AGO2: variants seen among roughly 807,000 people sequenced by gnomAD.
AGO2 encodes protein argonaute-2.
In AGO2, 5 loss-of-function variants were observed where a neutral mutation model predicts 102.3. The observed-to-expected ratio is 0.05, with a 90% CI of 0.03 to 0.10. The LOEUF is 0.10. AGO2 is among the 10% of genes least tolerant of loss of function. AGO2 has a pLI of 1.00. For synonymous variants in AGO2, 449 were observed against 473.1 expected (o/e 0.95, Z 0.66); for missense variants, 541 against 1,183.7 (o/e 0.46, Z 7.97).
intron 7 of AGO2, among the ~76,000 whole-genome samples, chr8:140,558,117 G>A (rs1203871065): frequency 6.6e-6 from 1 of 152,218 alleles, no homozygotes; most frequent in Non-Finnish European, 1.5e-5. Context: ...TTGCCGTAAT[G>A]ATGGGACACG....
chr8:140,561,926 C>A (rs1488816114), intron 4 of AGO2, among the ~76,000 whole-genome samples: 1 of 152,240 alleles, frequency 6.6e-6, no homozygotes, highest in African/African-American at 2.4e-5. Context: ...GAAATTAGTG[C>A]AACCCTCTGC....
intron 1 of AGO2, among the ~76,000 whole-genome samples, chr8:140,586,731 C>T (rs1222291913): frequency 1.3e-5 from 2 of 152,200 alleles, no homozygotes; most frequent in Admixed American, 6.5e-5. Flanking sequence ...CTCTCTACGC[C>T]ACACCGGAGT....
In AGO2 at chr8:140,563,827, T is replaced by A. The variant is rs1588461225; in HGVS notation, c.337-1193A>T. Among the ~76,000 whole-genome samples the A allele has an allele frequency of 2.0e-5, 3 of 152,192 alleles. No homozygotes were observed. In the South Asian group the frequency reaches 6.2e-4, roughly 31 times the overall value. The stretch of plus-strand genomic sequence containing the variant: ...GGTGGCACCAGGCACATTTGCTCGC[T>A]CGCCCACTGCCCGCCATGCCCATGC... On this transcript the variant is annotated intron_variant, in intron 3 of 18. Coordinates refer to ENST00000220592, the MANE Select transcript of AGO2 (RefSeq NM_012154.5).
intron 1 of AGO2, among the ~76,000 whole-genome samples, chr8:140,598,693 G>A (rs189813630): frequency 6.6e-6 from 1 of 152,180 alleles, no homozygotes. Flanking sequence ...ACTCTGGCCT[G>A]CTGCTTCCTC....
intron 1 of AGO2, among the ~76,000 whole-genome samples, chr8:140,595,174 C>T (rs556088894): frequency 1.7e-4 from 26 of 152,228 alleles, no homozygotes; most frequent in Non-Finnish European, 3.4e-4. Flanking sequence ...AAAGGTCCAT[C>T]AGGAGAAAAT....
At chr8:140,581,427 G>T (rs770990262) in intron 2 of AGO2, among the ~76,000 whole-genome samples, 2 of 152,196 alleles carry the variant, frequency 1.3e-5, no homozygotes, top group Non-Finnish European at 2.9e-5. Context: ...GCTGAGGCAC[G>T]AGAATCGCTT....
chr8:140,563,113 G>A (rs768651408), intron 3 of AGO2, among the ~76,000 whole-genome samples: 6 of 152,198 alleles, frequency 3.9e-5, no homozygotes, highest in Non-Finnish European at 7.3e-5. Flanking sequence ...CAGGTGACGC[G>A]TGAAGCAACT....
intron 1 of AGO2, among the ~76,000 whole-genome samples, chr8:140,633,244 T>A (rs1238637587): frequency 6.6e-6 from 1 of 152,214 alleles, no homozygotes; most frequent in African/African-American, 2.4e-5. Flanking sequence ...AAAAAGAGTC[T>A]CAATGAAGAC....
intron 1 of AGO2, among the ~76,000 whole-genome samples, chr8:140,619,904 A>G (rs1349432131): frequency 1.3e-5 from 2 of 152,210 alleles, no homozygotes; most frequent in Non-Finnish European, 2.9e-5. Flanking sequence ...GGGGATAAGC[A>G]CATGTAGATG....
At chr8:140,606,935 A>T (rs1477129416) in intron 1 of AGO2, among the ~76,000 whole-genome samples, 2 of 151,070 alleles carry the variant, frequency 1.3e-5, no homozygotes, top group South Asian at 2.1e-4. Flanking sequence ...AGACTGCCTC[A>T]AAATAATAAT....
chr8:140,549,963 C>T (rs1216808563), intron 11 of AGO2, among the ~76,000 whole-genome samples: 1 of 152,204 alleles, frequency 6.6e-6, no homozygotes, highest in Non-Finnish European at 1.5e-5. Flanking sequence ...GGCACTCCAA[C>T]CCAGCCAGTG....
rs1031222472 is a variant in AGO2 at position 140,539,707 on chromosome 8, G to A, written c.2035-253C>T. Among the ~76,000 whole-genome samples the A allele has an allele frequency of 6.6e-6, 1 of 152,236 alleles. No homozygotes were observed. The highest frequency in any genetic ancestry group is 1.5e-5 in the Non-Finnish European group (1 of 68,042). On this transcript the variant is annotated intron_variant, in intron 15 of 18. Coordinates refer to ENST00000220592, the MANE Select transcript of AGO2 (RefSeq NM_012154.5). The surrounding 1 kb of genome is among the most constrained non-coding windows in gnomAD (Gnocchi z 4.7). ...CTGGAGGGCCCAGGAGGTTGTGTGT[G>A]TGCAAGGGGCGCAGCCAACGCCAGG... is the stretch of plus-strand genomic sequence containing the variant.
Position 140,532,406 on chromosome 8 carries a change from T to G in AGO2, c.2471+10A>C. Reference sequence around the variant, plus strand: ...CCCTGCTGTGACCTCCAGCCAGGCATGCCACTCACCTGTCATGTTCCTTAT... The same window carrying G: ...CCCTGCTGTGACCTCCAGCCAGGCAGGCCACTCACCTGTCATGTTCCTTAT... On this transcript the variant is annotated intron_variant, in intron 18 of 18. Coordinates refer to ENST00000220592, the MANE Select transcript of AGO2 (RefSeq NM_012154.5). 6.2e-7 allele frequency: 1 copy of G among 1,608,258 alleles called. No homozygotes were observed. Among genetic ancestry groups the G allele is most frequent in the Non-Finnish European group, 8.5e-7 (1 of 1,176,776 alleles).
At chr8:140,565,618 G>A (rs1386925384) in intron 3 of AGO2, among the ~76,000 whole-genome samples, 1 of 151,072 alleles carries the variant, frequency 6.6e-6, no homozygotes, top group East Asian at 1.9e-4. Context: ...TCCAGCCCTG[G>A]GGATCAGAGT....
intron 10 of AGO2, among the ~76,000 whole-genome samples, chr8:140,553,578 T>A (rs1319139418): frequency 6.6e-6 from 1 of 150,844 alleles, no homozygotes; most frequent in African/African-American, 2.4e-5. Context: ...CCCAGCTAAT[T>A]TTGTATTTTT....
intron 1 of AGO2, among the ~76,000 whole-genome samples, chr8:140,587,065 C>A (rs183162545): frequency 5.3e-5 from 8 of 152,280 alleles, no homozygotes; most frequent in African/African-American, 1.9e-4. Context: ...CCAAACCAGG[C>A]CCCTCCACCG....
intron 3 of AGO2, among the ~76,000 whole-genome samples, chr8:140,569,026 C>T (rs1314063379): frequency 5.3e-5 from 8 of 152,226 alleles, no homozygotes; most frequent in African/African-American, 1.7e-4. Flanking sequence ...TCCTCGCCCC[C>T]GCCCGCCTTC....
Position 140,572,791 on chromosome 8 carries a change from AG to A in AGO2, c.336+20del, listed in dbSNP as rs1564094291. The A allele has an allele frequency of 6.2e-7, 1 of 1,606,492 alleles. No homozygotes were observed. The highest frequency in any genetic ancestry group is 8.5e-7 in the Non-Finnish European group (1 of 1,177,162). On this transcript the variant is annotated intron_variant, in intron 3 of 18. Coordinates refer to ENST00000220592, the MANE Select transcript of AGO2 (RefSeq NM_012154.5). ...TACTTCACCGTATGTTACTCCACCA[AG>A]GGCATCCCGGCGAGCTTACCTTGTC...
At chr8:140,627,870 AC>A (rs2074295775) in intron 1 of AGO2, among the ~76,000 whole-genome samples, 1 of 152,004 alleles carries the variant, frequency 6.6e-6, no homozygotes, top group Non-Finnish European at 1.5e-5. Context: ...ACTGTGGGAC[AC>A]CCAACACGCG....
Sources: allele counts gnomAD v4.1 joint callset (sites outside exome capture counted in the v4.1 genomes callset), GRCh38; gene constraint gnomAD v4.1.1; non-coding constraint Gnocchi (gnomAD v3.1); transcripts MANE v1.5; gene names NCBI Gene and HGNC (gene_info 2026-07-23, HGNC 2026-07-21).